ATP8A1: variants seen among roughly 807,000 people sequenced by gnomAD.
ATP8A1 encodes ATPase phospholipid transporting 8A1.
Under a neutral mutation model 177.7 loss-of-function variants are expected in ATP8A1, and 90 were observed. The observed-to-expected ratio is 0.51, with a 90% confidence interval of 0.43 to 0.60. ATP8A1 has a LOEUF of 0.60. ATP8A1 is among the 20% of genes least tolerant of loss of function. The probability of loss-of-function intolerance (pLI) is 0.00; values close to 1 mark genes in which losing one functional copy is unlikely to be tolerated. For missense variants in ATP8A1, 1,072 were observed against 1,392.8 expected (o/e 0.77, Z 3.67); for synonymous variants, 493 against 485.9 (o/e 1.01, Z -0.19).
intron 33 of ATP8A1, among the ~76,000 whole-genome samples, chr4:42,425,178 GA>G (rs1262717655): frequency 2.6e-5 from 4 of 152,016 alleles, no homozygotes; most frequent in Non-Finnish European, 5.9e-5. Context: ...GCATGCAACT[GA>G]AAATACATTT....
intron 5 of ATP8A1, among the ~76,000 whole-genome samples, chr4:42,601,064 C>G (rs1308835729): frequency 1.7e-5 from 2 of 115,696 alleles, no homozygotes; most frequent in African/African-American, 3.4e-5. Flanking sequence ...GAGATGGAGT[C>G]TCACTCTGTC....
At chr4:42,598,796 G>C (rs971164891) in intron 6 of ATP8A1, among the ~76,000 whole-genome samples, 1 of 152,230 alleles carries the variant, frequency 6.6e-6, no homozygotes, top group Non-Finnish European at 1.5e-5. Flanking sequence ...ACTTAAGAAT[G>C]ATGTTAATTT....
At chr4:42,444,938 C>G (rs1717050301) in intron 31 of ATP8A1, among the ~76,000 whole-genome samples, 1 of 152,198 alleles carries the variant, frequency 6.6e-6, no homozygotes, top group Non-Finnish European at 1.5e-5. Context: ...TTGTACAATT[C>G]ATGAACAGCA....
In ATP8A1 at chr4:42,414,703, C is replaced by G. The variant is rs376686282; in HGVS notation, c.3321G>C (p.Ala1107=). The change falls in exon 36 of 37, where the codon GCG becomes GCC. Residue 1107 remains alanine (A), a synonymous_variant. Coordinates refer to ENST00000381668, the MANE Select transcript of ATP8A1 (RefSeq NM_006095.2). ...VVLGKSLTER[A]QLLKNVFKKN... Reference sequence around the variant, plus strand: ...TCTTAAAGACGTTCTTGAGCAGTTGCGCCCTCTCGGTCAGGCTGCAGAGCA... The same window carrying G: ...TCTTAAAGACGTTCTTGAGCAGTTGGGCCCTCTCGGTCAGGCTGCAGAGCA... 1.2e-6 allele frequency: 2 copies of G among 1,613,812 alleles called. No individual in the cohort carries two copies. The highest frequency in any genetic ancestry group is 2.2e-5 in the South Asian group (2 of 91,074).
At chr4:42,541,469 T>C (rs1728380127) in intron 20 of ATP8A1, among the ~76,000 whole-genome samples, 3 of 152,232 alleles carry the variant, frequency 2.0e-5, no homozygotes. Context: ...TGTCAGTTTC[T>C]TACAAAATGA....
intron 33 of ATP8A1, among the ~76,000 whole-genome samples, chr4:42,429,263 G>A (rs73235563): frequency 0.18 from 27,238 of 152,092 alleles, 2,914 homozygotes; most frequent in South Asian, 0.3. Flanking sequence ...CTTTTCTGTT[G>A]AAGGTTGACG....
At chr4:42,515,806 A>G (rs972182904) in intron 22 of ATP8A1, among the ~76,000 whole-genome samples, 1 of 152,228 alleles carries the variant, frequency 6.6e-6, no homozygotes, top group African/African-American at 2.4e-5. Context: ...GTGCTCAGAT[A>G]TTTGTTGCTG....
chr4:42,537,790 T>G (rs991627737), intron 20 of ATP8A1, among the ~76,000 whole-genome samples: 1 of 152,306 alleles, frequency 6.6e-6, no homozygotes, highest in Non-Finnish European at 1.5e-5. Context: ...ACACATCCCA[T>G]GCTCATGGAT....
chr4:42,492,884 A>G (rs1305609993), intron 24 of ATP8A1, among the ~76,000 whole-genome samples: 1 of 152,214 alleles, frequency 6.6e-6, no homozygotes, highest in Non-Finnish European at 1.5e-5. Context: ...TATCAGCAAC[A>G]CAAGTTTCTG....
At chr4:42,574,347 C>T (rs553841654) in intron 14 of ATP8A1, among the ~76,000 whole-genome samples, 1 of 152,210 alleles carries the variant, frequency 6.6e-6, no homozygotes, top group African/African-American at 2.4e-5. Flanking sequence ...TATATTTGTT[C>T]CTTATTACCA....
intron 4 of ATP8A1, among the ~76,000 whole-genome samples, chr4:42,618,137 A>G (rs564246323): frequency 6.6e-6 from 1 of 152,220 alleles, no homozygotes; most frequent in Non-Finnish European, 1.5e-5. Context: ...CAGGATACAT[A>G]GTATGCAATG....
chr4:42,472,621 A>G (rs1318691252), intron 25 of ATP8A1, among the ~76,000 whole-genome samples: 1 of 151,938 alleles, frequency 6.6e-6, no homozygotes, highest in East Asian at 1.9e-4. Context: ...ATGTGCGCCC[A>G]TAATCCCAGC....
chr4:42,575,144 A>G (rs879474822), intron 13 of ATP8A1, among the ~76,000 whole-genome samples: 8 of 152,250 alleles, frequency 5.3e-5, no homozygotes, highest in Non-Finnish European at 1.2e-4. Context: ...TTTGTAAAGC[A>G]TAAGTTGGAA....
At chr4:42,489,400 A>T (rs1409436665) in intron 24 of ATP8A1, among the ~76,000 whole-genome samples, 1 of 152,152 alleles carries the variant, frequency 6.6e-6, no homozygotes, top group South Asian at 2.1e-4. Flanking sequence ...AATTCTCTAA[A>T]TTCGTGACAT....
intron 6 of ATP8A1, among the ~76,000 whole-genome samples, chr4:42,591,511 T>A (rs1476074401): frequency 6.6e-6 from 1 of 152,204 alleles, no homozygotes. Flanking sequence ...AAGGCATAAC[T>A]GTAGCCTTTT....
Position 42,625,642 on chromosome 4 carries a change from G to A in ATP8A1, c.236C>T (p.Ser79Leu). 6.2e-7 allele frequency: 1 copy of A among 1,607,200 alleles called. No individual in the cohort carries two copies. Among genetic ancestry groups the A allele is most frequent in the Non-Finnish European group, 8.5e-7 (1 of 1,176,312 alleles). ...CAGCAGTGCAATAAAGAGAAAAAATGAATTAGCAGCTCTTCTGAACTGAGA... is the reference window on the plus strand; with the variant it reads ...CAGCAGTGCAATAAAGAGAAAAAATAAATTAGCAGCTCTTCTGAACTGAGA... ...LYSQFRRAAN[S>L]FFLFIALLQQ... The change falls in exon 3 of 37, where the codon TCA (serine) becomes TTA (leucine). Residue 79 changes from serine (S) to leucine (L), a missense_variant. This residue lies in a region of ATP8A1 where 344 missense variants were observed against 393.5 expected (regional missense o/e 0.87). Coordinates refer to ENST00000381668, the MANE Select transcript of ATP8A1 (RefSeq NM_006095.2).
intron 5 of ATP8A1, among the ~76,000 whole-genome samples, chr4:42,612,329 A>AGAGCACCTACTAAGACAG (rs1463788552): frequency 4.3e-4 from 65 of 151,098 alleles, no homozygotes; most frequent in African/African-American, 1.5e-3. Context: ...ATGCACACAG[A>AGAGCACCTACTAAGACAG]GAGCACCTAC....
chr4:42,636,184 A>C (rs1739374092), intron 1 of ATP8A1, among the ~76,000 whole-genome samples: 1 of 149,250 alleles, frequency 6.7e-6, no homozygotes, highest in Non-Finnish European at 1.5e-5. Context: ...AAGCTTCTTA[A>C]GCTGGATCAA....
Position 42,544,756 on chromosome 4 carries a change from G to C in ATP8A1, c.1653-770C>G, listed in dbSNP as rs547654949. Among the ~76,000 whole-genome samples the C allele has an allele frequency of 2.0e-4, 30 of 152,304 alleles. No homozygotes were observed. The South Asian group carries it at 6.0e-3, about 30-fold the overall frequency. ...GCAGAAGAGGACTACTCAAATGTCT[G>C]TATCTATTTGTTTTACCAGCTAAAA... On this transcript the variant is annotated intron_variant, in intron 19 of 36. Coordinates refer to ENST00000381668, the MANE Select transcript of ATP8A1 (RefSeq NM_006095.2).
Sources: gnomAD v4.1 joint callset for allele counts (sites outside exome capture counted in the v4.1 genomes callset) on GRCh38, gnomAD v4.1.1 for gene constraint, gnomAD v4.1.1 regional missense constraint, MANE v1.5 for transcripts, NCBI Gene and HGNC (gene_info 2026-07-23, HGNC 2026-07-21) for gene names.